LRP12: variants seen among roughly 807,000 people sequenced by gnomAD.
LRP12 encodes the protein low-density lipoprotein receptor-related protein 12.
Under a neutral mutation model 66.0 loss-of-function variants are expected in LRP12, and 14 were observed. The observed-to-expected ratio is 0.21, with a 90% CI of 0.14 to 0.33. LRP12 has a LOEUF of 0.33. Among genes scored for constraint, LRP12 ranks in the 10% least tolerant of loss-of-function variants. The pLI, the probability that LRP12 is intolerant of heterozygous loss-of-function variation, is 1.00. For missense variants in LRP12, 889 were observed against 1,053.4 expected, an observed-to-expected ratio of 0.84 and a Z score of 2.16; for synonymous variants, 357 against 359.1, an observed-to-expected ratio of 0.99 and a Z score of 0.07.
intron 1 of LRP12, among the ~76,000 whole-genome samples, chr8:104,574,679 TACA>T (rs1285778485): frequency 6.6e-6 from 1 of 152,236 alleles, no homozygotes; most frequent in Non-Finnish European, 1.5e-5. Flanking sequence ...GTATAAAATT[TACA>T]ACGGATTTTG....
At chr8:104,588,791 A>C in intron 1 of LRP12, 28 bp downstream of exon 1, 3 of 1,607,826 alleles carry the variant, frequency 1.9e-6, no homozygotes, top group Non-Finnish European at 2.5e-6. Context: ...TTGTTCGGTC[A>C]GCGGGGCGCG....
chr8:104,506,320 T>C (rs1181437823), intron 3 of LRP12: 1 of 152,204 alleles, frequency 6.6e-6, no homozygotes, highest in Admixed American at 6.5e-5. Flanking sequence ...ACAGAATACA[T>C]CTTAAAATGC....
intron 1 of LRP12, among the ~76,000 whole-genome samples, chr8:104,577,459 T>C (rs1009760158): frequency 6.6e-6 from 1 of 152,166 alleles, no homozygotes; most frequent in Non-Finnish European, 1.5e-5. Flanking sequence ...GAAAATTAAA[T>C]AATCTGCTCC....
intron 2 of LRP12, among the ~76,000 whole-genome samples, chr8:104,525,796 A>G (rs1588492164): frequency 6.6e-6 from 1 of 151,836 alleles, no homozygotes; most frequent in Admixed American, 6.6e-5. Context: ...CTCTCTCACC[A>G]CTCCTATTCA....
At chr8:104,563,483 AATG>A (rs1017179208) in intron 1 of LRP12, among the ~76,000 whole-genome samples, 17 of 152,246 alleles carry the variant, frequency 1.1e-4, no homozygotes, top group African/African-American at 4.1e-4. Context: ...ATTATTAACA[AATG>A]ATAAGCAAAT....
intron 2 of LRP12, among the ~76,000 whole-genome samples, chr8:104,523,115 GA>G (rs1177141443): frequency 6.6e-6 from 1 of 152,026 alleles, no homozygotes; most frequent in Non-Finnish European, 1.5e-5. Context: ...ATATACAGTT[GA>G]CCTTTGAACA....
chr8:104,500,503 T>A (rs1382023289), intron 3 of LRP12, among the ~76,000 whole-genome samples: 1 of 151,982 alleles, frequency 6.6e-6, no homozygotes, highest in African/African-American at 2.4e-5. Flanking sequence ...GTCAGGAGTT[T>A]GAGACCAGCC....
At chr8:104,536,117 C>T (rs1811389887) in intron 1 of LRP12, among the ~76,000 whole-genome samples, 1 of 151,922 alleles carries the variant, frequency 6.6e-6, no homozygotes. Context: ...GTTCATAATC[C>T]TAATAGGGCT....
At chr8:104,533,672 TA>T (rs1458013925) in intron 1 of LRP12, among the ~76,000 whole-genome samples, 1 of 152,048 alleles carries the variant, frequency 6.6e-6, no homozygotes, top group African/African-American at 2.4e-5. Context: ...AGGAGAGTTT[TA>T]ATATCAGATT....
intron 2 of LRP12, among the ~76,000 whole-genome samples, chr8:104,531,305 T>A (rs1811321713): frequency 6.6e-6 from 1 of 152,108 alleles, no homozygotes; most frequent in Non-Finnish European, 1.5e-5. Flanking sequence ...GCTGTGGAAG[T>A]GGCCTAAGAA....
At chr8:104,526,246 G>A (rs919333836) in intron 2 of LRP12, among the ~76,000 whole-genome samples, 1 of 151,902 alleles carries the variant, frequency 6.6e-6, no homozygotes, top group Non-Finnish European at 1.5e-5. Context: ...CATGAAAATG[G>A]CCATACTGCC....
At chr8:104,547,511 T>C (rs1811598012) in intron 1 of LRP12, among the ~76,000 whole-genome samples, 1 of 124,348 alleles carries the variant, frequency 8.0e-6, no homozygotes, top group Non-Finnish European at 1.5e-5. Flanking sequence ...ATATTTTGTA[T>C]ATAATATATA....
chr8:104,536,851 G>GT (rs1811398919), intron 1 of LRP12, among the ~76,000 whole-genome samples: 1 of 151,998 alleles, frequency 6.6e-6, no homozygotes, highest in South Asian at 2.1e-4. Context: ...GGAAAATTTA[G>GT]TAAGGTAGTA....
chr8:104,520,453 T>G (rs1588490426), intron 2 of LRP12, among the ~76,000 whole-genome samples: 1 of 152,190 alleles, frequency 6.6e-6, no homozygotes, highest in East Asian at 1.9e-4. Context: ...AAATCCTCAC[T>G]TAAGCTAACA....
chr8:104,524,503 A>T (rs948194673), intron 2 of LRP12, among the ~76,000 whole-genome samples: 1 of 152,194 alleles, frequency 6.6e-6, no homozygotes, highest in Non-Finnish European at 1.5e-5. Flanking sequence ...TCCATTGGAA[A>T]CAACCCATTG....
chr8:104,548,415 AT>A (rs1564142364), intron 1 of LRP12, among the ~76,000 whole-genome samples: 38 of 107,888 alleles, frequency 3.5e-4, no homozygotes, highest in Non-Finnish European at 6.7e-5. Context: ...TATATGATAT[AT>A]TAATAATTAA....
intron 3 of LRP12, 56 bp downstream of exon 3, chr8:104,508,883 A>G (rs1810947311): frequency 6.8e-7 from 1 of 1,467,148 alleles, no homozygotes; most frequent in Non-Finnish European, 9.3e-7. Context: ...TAATAAATGA[A>G]AATGGAATTT....
rs1226334538 is a variant in LRP12, at chr8:104,489,533, G to A, written c.*1140C>T. 2.0e-5 allele frequency: 3 copies of A among 152,312 alleles called. No individual in the cohort carries two copies. Among genetic ancestry groups the A allele is most frequent in the Non-Finnish European group, 2.9e-5 (2 of 67,982 alleles). 9.4% of individuals were successfully genotyped at this position (152,312 alleles called of 1,614,324 possible). A position where few individuals can be genotyped will look rare whatever the true frequency, so the allele number is the denominator to read the frequency against. Reference sequence around the variant, plus strand: ...TTCACACTACTTAAAAAGGGGGGATGATCTGAATGATTTCTTAATTTTCTT... The same window carrying A: ...TTCACACTACTTAAAAAGGGGGGATAATCTGAATGATTTCTTAATTTTCTT... On this transcript the variant is annotated 3_prime_UTR_variant, in exon 7 of 7. Transcript: ENST00000276654.
At chr8:104,549,642 T>A (rs187251671) in intron 1 of LRP12, among the ~76,000 whole-genome samples, 4,519 of 152,178 alleles carry the variant, frequency 0.03, 108 homozygotes, top group Non-Finnish European at 0.05. Context: ...GACCTCATGA[T>A]CCGCCCGCCT....
Sources: allele counts gnomAD v4.1 joint callset (sites outside exome capture counted in the v4.1 genomes callset), GRCh38; gene constraint gnomAD v4.1.1; transcripts MANE v1.5; gene names NCBI Gene and HGNC (gene_info 2026-07-23, HGNC 2026-07-21).